STARD13: variants seen among roughly 807,000 people sequenced by gnomAD.
STARD13 encodes the protein StAR related lipid transfer domain containing 13.
In STARD13, 62 loss-of-function variants were observed where a neutral mutation model predicts 106.4. The observed-to-expected ratio is 0.58, with a 90% CI of 0.48 to 0.72. The LOEUF (loss-of-function observed/expected upper bound fraction) is 0.72. Among genes scored for constraint, STARD13 ranks in the 30% least tolerant of loss-of-function variants. The pLI, the probability that STARD13 is intolerant of heterozygous loss-of-function variation, is 0.00. For synonymous variants in STARD13, 565 were observed against 553.0 expected (o/e 1.02, Z -0.31); for missense variants, 1,387 against 1,424.0 (o/e 0.97, Z 0.42).
At chr13:33,445,604 C>CTATA in the STARD13 span, among the ~76,000 whole-genome samples, 25 of 151,966 alleles carry the variant, frequency 1.6e-4, no homozygotes, top group African/African-American at 5.5e-4. Context: ...ATACCTGAGG[C>CTATA]TATATATATA....
chr13:33,491,343 T>G, the STARD13 span, among the ~76,000 whole-genome samples: 202 of 152,350 alleles, frequency 1.3e-3, no homozygotes, highest in Non-Finnish European at 2.6e-3. Context: ...ATGATTTGAT[T>G]GTCTAAGATC....
chr13:33,638,630 TA>T, the STARD13 span, among the ~76,000 whole-genome samples: 1 of 152,194 alleles, frequency 6.6e-6, no homozygotes, highest in African/African-American at 2.4e-5. Flanking sequence ...TTTTCAGACT[TA>T]AAAAGTCTTT....
the STARD13 span, among the ~76,000 whole-genome samples, chr13:33,628,840 A>C: frequency 6.6e-6 from 1 of 152,214 alleles, no homozygotes. Context: ...GGAAAGTTGC[A>C]TCACTCTTCA....
At chr13:33,564,986 C>T in the STARD13 span, among the ~76,000 whole-genome samples, 1 of 122,188 alleles carries the variant, frequency 8.2e-6, no homozygotes, top group African/African-American at 3.1e-5. Context: ...GAGACTCTGT[C>T]TCAAAAAAAA....
intron 1 of STARD13, among the ~76,000 whole-genome samples, chr13:33,181,365 G>T (rs1054616630): frequency 6.6e-6 from 1 of 151,864 alleles, no homozygotes; most frequent in Non-Finnish European, 1.5e-5. Context: ...TAAATATGTG[G>T]ATTTTGTATC....
chr13:33,285,416 A>G (rs1404970937), intron 1 of STARD13, 54 bp downstream of exon 1: 8 of 1,561,950 alleles, frequency 5.1e-6, no homozygotes, highest in African/African-American at 1.4e-5. Flanking sequence ...TTAGCATGAA[A>G]TAGAGCCAAC....
At chr13:33,163,601 A>ATAT (rs1555239797) in intron 3 of STARD13, among the ~76,000 whole-genome samples, 1 of 130,674 alleles carries the variant, frequency 7.7e-6, no homozygotes, top group African/African-American at 3.1e-5. Flanking sequence ...AAAAAAAAAA[A>ATAT]AAAAATATAT....
At chr13:33,486,095 G>C in the STARD13 span, among the ~76,000 whole-genome samples, 4 of 152,140 alleles carry the variant, frequency 2.6e-5, no homozygotes, top group Non-Finnish European at 5.9e-5. Context: ...CCCTGACCTA[G>C]AGTGACCCTA....
At chr13:33,226,824 C>A (rs1350853025) in intron 1 of STARD13, among the ~76,000 whole-genome samples, 2 of 152,152 alleles carry the variant, frequency 1.3e-5, no homozygotes, top group Admixed American at 6.5e-5. Flanking sequence ...CTAGTCCAAG[C>A]GATGTTTAGG....
the STARD13 span, among the ~76,000 whole-genome samples, chr13:33,490,260 A>G: frequency 6.6e-6 from 1 of 152,220 alleles, no homozygotes; most frequent in Non-Finnish European, 1.5e-5. Flanking sequence ...TGATATGGAC[A>G]GGAGACAGGG....
intron 1 of STARD13, among the ~76,000 whole-genome samples, chr13:33,250,920 T>C (rs935023784): frequency 4.6e-5 from 7 of 152,268 alleles, no homozygotes; most frequent in Admixed American, 4.6e-4. Context: ...GCATTTATCA[T>C]AGGGCATGGC....
chr13:33,105,562 T>TTCTCTCGCTTTCTCACATGCACA lies in STARD13; in HGVS notation c.*30_*31insTGTGCATGTGAGAAAGCGAGAGA. 1.4e-6 allele frequency: 2 copies of TTCTCTCGCTTTCTCACATGCACA among 1,476,790 alleles called. No individual in the cohort carries two copies. Among genetic ancestry groups the TTCTCTCGCTTTCTCACATGCACA allele is most frequent in the Non-Finnish European group, 1.9e-6 (2 of 1,054,562 alleles). 91.5% of individuals were successfully genotyped at this position (1,476,790 alleles called of 1,614,324 possible). On this transcript the variant is annotated 3_prime_UTR_variant, in exon 14 of 14. Coordinates refer to ENST00000336934, the MANE Select transcript of STARD13 (RefSeq NM_178006.4). ...CACACTCGTCACTTTAGCTTCCTCT[T>TTCTCTCGCTTTCTCACATGCACA]CCCTGAGTTTGATGTCACACTGGGC... is the stretch of plus-strand genomic sequence containing the variant.
At chr13:33,167,407 G>T in intron 2 of STARD13, 144 bp downstream of exon 2, 1 of 705,812 alleles carries the variant, frequency 1.4e-6, no homozygotes, top group Non-Finnish European at 2.4e-6. Flanking sequence ...TAACCCCTGG[G>T]CATAGCAAAA....
the STARD13 span, among the ~76,000 whole-genome samples, chr13:33,500,879 A>G: frequency 6.6e-5 from 10 of 152,174 alleles, no homozygotes; most frequent in South Asian, 6.2e-4. Flanking sequence ...CTGTTTTTCA[A>G]TTTAAACAAT....
In STARD13 at chr13:33,105,553, G is replaced by T; in HGVS notation, c.*40C>A. 1 of 1,420,340 alleles carries T rather than the reference G, an allele frequency of 7.0e-7. No individual in the cohort carries two copies. The highest frequency in any genetic ancestry group is 1.0e-6 in the Non-Finnish European group (1 of 1,003,056). 88.0% of individuals were successfully genotyped at this position (1,420,340 alleles called of 1,614,324 possible). ...ACTCTCTGCCACACTCGTCACTTTAGCTTCCTCTTCCCTGAGTTTGATGTC... is the reference window on the plus strand; with the variant it reads ...ACTCTCTGCCACACTCGTCACTTTATCTTCCTCTTCCCTGAGTTTGATGTC... On this transcript the variant is annotated 3_prime_UTR_variant, in exon 14 of 14. Transcript: ENST00000336934.
At chr13:33,202,957 A>G (rs1033524021) in intron 1 of STARD13, among the ~76,000 whole-genome samples, 1 of 152,234 alleles carries the variant, frequency 6.6e-6, no homozygotes, top group Admixed American at 6.5e-5. Flanking sequence ...GAATTTATTA[A>G]GAAAGGGAAG....
chr13:33,474,462 G>GTA, the STARD13 span, among the ~76,000 whole-genome samples: 2 of 152,154 alleles, frequency 1.3e-5, no homozygotes, highest in Non-Finnish European at 2.9e-5. Context: ...CTTTCTATGT[G>GTA]TATATATGTG....
At chr13:33,180,720 G>A (rs1885150845) in intron 1 of STARD13, among the ~76,000 whole-genome samples, 1 of 152,018 alleles carries the variant, frequency 6.6e-6, no homozygotes, top group Non-Finnish European at 1.5e-5. Flanking sequence ...GAGGTGACGG[G>A]GAAAGTAATT....
intron 3 of STARD13, among the ~76,000 whole-genome samples, chr13:33,151,656 G>C (rs1318555060): frequency 6.6e-6 from 1 of 152,210 alleles, no homozygotes; most frequent in Non-Finnish European, 1.5e-5. Context: ...GATCACAAAG[G>C]ATTCAAATGA....
Sources: gnomAD v4.1 joint callset for allele counts (sites outside exome capture counted in the v4.1 genomes callset) on GRCh38, gnomAD v4.1.1 for gene constraint, MANE v1.5 for transcripts, NCBI Gene and HGNC (gene_info 2026-07-23, HGNC 2026-07-21) for gene names.